The following CDH10 variants were observed in gnomAD, a reference collection of about 807,000 sequenced individuals.
The protein encoded by CDH10 is cadherin 10.
CDH10 carries 30 observed loss-of-function variants against 73.1 expected under a neutral mutation model. That is an observed-to-expected ratio of 0.41 (90% CI 0.31 to 0.56). The LOEUF is 0.56. Among genes scored for constraint, CDH10 ranks in the 20% least tolerant of loss-of-function variants. The probability of loss-of-function intolerance (pLI) is 0.27; values close to 1 mark genes in which losing one functional copy is unlikely to be tolerated. For missense variants in CDH10, 815 were observed against 973.7 expected (o/e 0.84, Z 2.17); for synonymous variants, 345 against 348.2 (o/e 0.99, Z 0.10).
chr5:24,599,133 A>T (rs1284439110), intron 1 of CDH10, among the ~76,000 whole-genome samples: 1 of 152,164 alleles, frequency 6.6e-6, no homozygotes, highest in Non-Finnish European at 1.5e-5. Context: ...TAGCAGTGCT[A>T]ATACAGATGT....
rs116090250 is a variant in CDH10, at chr5:24,544,325, C to A, written c.232-6651G>T. 4.8e-3 allele frequency among the ~76,000 whole-genome samples: 726 copies of A among 151,906 alleles called. 9 individuals carry two copies. Among genetic ancestry groups the A allele is most frequent in the African/African-American group, 0.017 (692 of 41,436 alleles). On this transcript the variant is annotated intron_variant, in intron 2 of 11. Coordinates refer to ENST00000264463, the MANE Select transcript of CDH10 (RefSeq NM_006727.5). ...ACAACAAAAATGGAAATGGAGAGGGCAAATAAAGCTTAACAATGAAATAGA... is the reference window on the plus strand; with the variant it reads ...ACAACAAAAATGGAAATGGAGAGGGAAAATAAAGCTTAACAATGAAATAGA...
intron 9 of CDH10, among the ~76,000 whole-genome samples, chr5:24,496,195 T>C (rs1013106155): frequency 2.0e-5 from 3 of 152,202 alleles, no homozygotes; most frequent in Admixed American, 6.5e-5. Flanking sequence ...ATTTAGATAC[T>C]ATTGAAGGGA....
At chr5:24,550,066 G>A (rs191735908) in intron 2 of CDH10, among the ~76,000 whole-genome samples, 77 of 152,140 alleles carry the variant, frequency 5.1e-4, no homozygotes, top group Middle Eastern at 3.4e-3. Context: ...AGAGAATGAA[G>A]AATACCAGAA....
intron 1 of CDH10, among the ~76,000 whole-genome samples, chr5:24,616,848 T>C (rs1289002608): frequency 6.6e-6 from 1 of 152,212 alleles, no homozygotes; most frequent in African/African-American, 2.4e-5. Context: ...TCAGAGTGCA[T>C]ATACTATTTT....
At position 24,594,319 on chromosome 5, in the gene CDH10, A is replaced by G. The variant is rs558371346; in HGVS notation, c.-123-706T>C. Among the ~76,000 whole-genome samples, 19 of 151,748 alleles carry G rather than the reference A, an allele frequency of 1.3e-4. No individual in the cohort carries two copies. In the South Asian group the frequency reaches 2.5e-3, roughly 20 times the overall value. ...ACTGCCTGGTCCAGAACTCCACTAT[A>G]CCCCAGGCTGACTATGGTAACAGCC... On this transcript the variant is annotated intron_variant, in intron 1 of 11. Coordinates refer to ENST00000264463, the MANE Select transcript of CDH10 (RefSeq NM_006727.5).
At chr5:24,504,120 G>T (rs1742594820) in intron 8 of CDH10, among the ~76,000 whole-genome samples, 1 of 151,970 alleles carries the variant, frequency 6.6e-6, no homozygotes, top group African/African-American at 2.4e-5. Flanking sequence ...TTGGCATAAA[G>T]ATTATTTTGA....
At chr5:24,513,030 C>CTT (rs1268351060) in intron 5 of CDH10, among the ~76,000 whole-genome samples, 1 of 143,524 alleles carries the variant, frequency 7.0e-6, no homozygotes, top group African/African-American at 2.6e-5. Context: ...TGTTTCTTTT[C>CTT]TTTTTTTTTC....
At chr5:24,624,329 C>T (rs1455011099) in intron 1 of CDH10, among the ~76,000 whole-genome samples, 1 of 152,054 alleles carries the variant, frequency 6.6e-6, no homozygotes, top group Admixed American at 6.6e-5. Context: ...GATTTTTCCT[C>T]ACTGCCTCAA....
Position 24,528,917 on chromosome 5 carries a change from A to G in CDH10, c.814+6195T>C, listed in dbSNP as rs1303446782. Among the ~76,000 whole-genome samples, 4 of 151,936 alleles carry G rather than the reference A, an allele frequency of 2.6e-5. No homozygotes were observed. In the East Asian group the frequency reaches 7.7e-4, roughly 29 times the overall value. ...CATGAACAAGTGACTTTACATTTACATGATTCTGTTTTTTTAACTAATGAA... is the reference window on the plus strand; with the variant it reads ...CATGAACAAGTGACTTTACATTTACGTGATTCTGTTTTTTTAACTAATGAA... On this transcript the variant is annotated intron_variant, in intron 5 of 11. Transcript: ENST00000264463.
intron 1 of CDH10, among the ~76,000 whole-genome samples, chr5:24,625,529 C>A (rs1181587481): frequency 7.4e-6 from 1 of 135,580 alleles, no homozygotes; most frequent in Admixed American, 7.6e-5. Flanking sequence ...TGACTGAGAT[C>A]AATCTATTTA....
chr5:24,609,011 TG>T (rs1444685400), intron 1 of CDH10, among the ~76,000 whole-genome samples: 1 of 152,182 alleles, frequency 6.6e-6, no homozygotes, highest in Admixed American at 6.6e-5. Context: ...AATAAAGGTG[TG>T]ATTATATAGT....
intron 2 of CDH10, among the ~76,000 whole-genome samples, chr5:24,577,220 C>T (rs1459128402): frequency 1.3e-5 from 2 of 151,976 alleles, no homozygotes; most frequent in Non-Finnish European, 2.9e-5. Context: ...TCTGAATAAA[C>T]CACAGAATTT....
At chr5:24,568,070 G>A (rs942934782) in intron 2 of CDH10, among the ~76,000 whole-genome samples, 2 of 152,086 alleles carry the variant, frequency 1.3e-5, no homozygotes, top group African/African-American at 4.8e-5. Context: ...GAGGGTTCAT[G>A]ATCTATTCTC....
chr5:24,516,475 A>T (rs929810063), intron 5 of CDH10, among the ~76,000 whole-genome samples: 15 of 114,794 alleles, frequency 1.3e-4, no homozygotes, highest in Non-Finnish European at 2.8e-4. Context: ...AGTGATTTTC[A>T]ATTTTTTTTC....
chr5:24,546,361 G>A (rs907690500), intron 2 of CDH10, among the ~76,000 whole-genome samples: 6 of 152,054 alleles, frequency 3.9e-5, no homozygotes, highest in Admixed American at 6.6e-5. Flanking sequence ...CAAGATCAAC[G>A]CTCTCACAAG....
At chr5:24,524,253 T>C (rs1197014273) in intron 5 of CDH10, among the ~76,000 whole-genome samples, 1 of 152,142 alleles carries the variant, frequency 6.6e-6, no homozygotes, top group Non-Finnish European at 1.5e-5. Context: ...CAGTGATTCA[T>C]TCACACTTTC....
In CDH10 at chr5:24,604,871, T is replaced by TCAAAAAAAAAAAAAAAAAA. The variant is rs1453322652; in HGVS notation, c.-123-11259_-123-11258insTTTTTTTTTTTTTTTTTTG. Among the ~76,000 whole-genome samples the TCAAAAAAAAAAAAAAAAAA allele has an allele frequency of 2.6e-5, 3 of 116,334 alleles. 1 individual carries two copies. The highest frequency in any genetic ancestry group is 1.3e-4 in the African/African-American group (3 of 22,286). 76.3% of individuals were successfully genotyped at this position (116,334 alleles called of 152,430 possible). ...CTGGGGAACAAGAGCAAGATGTCTC[T>TCAAAAAAAAAAAAAAAAAA]AAAAAAAAAAAAAAAAAAAAAAAAC... On this transcript the variant is annotated intron_variant, in intron 1 of 11. Transcript: ENST00000264463.
In CDH10 at chr5:24,623,341, G is replaced by T. The variant is rs139669423; in HGVS notation, c.-124+21253C>A. Among the ~76,000 whole-genome samples the T allele has an allele frequency of 1.1e-3, 165 of 152,276 alleles. 1 individual carries two copies. The highest frequency in any genetic ancestry group is 6.8e-3 in the Middle Eastern group (2 of 294). On this transcript the variant is annotated intron_variant, in intron 1 of 11. Coordinates refer to ENST00000264463, the MANE Select transcript of CDH10 (RefSeq NM_006727.5). ...GATGATTGCATATAAAATATGACAT[G>T]CAATGAGGAAAAAGGGTAATAACAA...
In CDH10 at chr5:24,628,845, G is replaced by GACACACAC. The variant is rs71698746; in HGVS notation, c.-124+15741_-124+15748dup. 1.7e-3 allele frequency among the ~76,000 whole-genome samples: 222 copies of GACACACAC among 127,300 alleles called. 1 individual carries two copies. The highest frequency in any genetic ancestry group is 6.4e-3 in the African/African-American group (203 of 31,850). The allele number at this position is 127,300 out of a possible 152,430, so 83.5% of individuals were successfully genotyped here. A position where few individuals can be genotyped will look rare whatever the true frequency, so the allele number is the denominator to read the frequency against. ...CCCCCCCCACCCCGCTCCCCACCTT[G>GACACACAC]ACACACACACACACACACACACACA... On this transcript the variant is annotated intron_variant, in intron 1 of 11. Coordinates refer to ENST00000264463, the MANE Select transcript of CDH10 (RefSeq NM_006727.5).
Sources: allele counts gnomAD v4.1 joint callset (sites outside exome capture counted in the v4.1 genomes callset), GRCh38; gene constraint gnomAD v4.1.1; transcripts MANE v1.5; gene names NCBI Gene and HGNC (gene_info 2026-07-23, HGNC 2026-07-21).